The following BRD10 variants were observed in gnomAD, a reference collection of about 807,000 sequenced individuals.
BRD10 encodes the protein bromodomain containing 10.
chr9:5,907,210 A>G, the BRD10 span: 1 of 320,342 alleles, frequency 3.1e-6, no homozygotes, highest in African/African-American at 2.1e-5. Flanking sequence ...AAGTACAGAT[A>G]TTTTCTTAAT....
the BRD10 span, among the ~76,000 whole-genome samples, chr9:5,923,488 G>A: frequency 2.0e-5 from 3 of 152,190 alleles, no homozygotes; most frequent in African/African-American, 7.2e-5. Flanking sequence ...TCTTTGACAT[G>A]ATAATCTAGA....
At chr9:5,988,653 A>C in the BRD10 span, 1 of 752,476 alleles carries the variant, frequency 1.3e-6, no homozygotes, top group East Asian at 2.7e-5. Context: ...AAAAGTATTT[A>C]AACCTTACTT....
chr9:5,963,927 C>T, the BRD10 span, among the ~76,000 whole-genome samples: 9 of 151,430 alleles, frequency 5.9e-5, no homozygotes, highest in East Asian at 7.8e-4. Flanking sequence ...AAGATTTAAA[C>T]GTTAGACCTA....
the BRD10 span, among the ~76,000 whole-genome samples, chr9:5,960,718 A>G: frequency 3.9e-5 from 6 of 152,304 alleles, no homozygotes; most frequent in South Asian, 1.2e-3. Context: ...GATTTTATAA[A>G]AAGTCCCCTA....
the BRD10 span, chr9:5,923,025 A>G: frequency 8.3e-5 from 134 of 1,613,906 alleles, no homozygotes; most frequent in Non-Finnish European, 1.1e-4. Flanking sequence ...ACTGAATCCA[A>G]TGAGGCAAAT....
the BRD10 span, among the ~76,000 whole-genome samples, chr9:5,986,513 T>G: frequency 6.6e-6 from 1 of 152,206 alleles, no homozygotes; most frequent in Non-Finnish European, 1.5e-5. Flanking sequence ...CTGGGTCAAA[T>G]GGTTCTAGAT....
chr9:5,922,988 G>C, the BRD10 span: 1 of 1,613,954 alleles, frequency 6.2e-7, no homozygotes, highest in East Asian at 2.2e-5. Flanking sequence ...AATGGGTTTG[G>C]TCCCTTTCTG....
At chr9:5,978,907 G>A in the BRD10 span, among the ~76,000 whole-genome samples, 6 of 152,208 alleles carry the variant, frequency 3.9e-5, no homozygotes, top group Non-Finnish European at 8.8e-5. Flanking sequence ...CCTTACCTGT[G>A]AGGGGGTTTG....
chr9:5,922,963 T>G, the BRD10 span: 1 of 1,614,046 alleles, frequency 6.2e-7, no homozygotes. Flanking sequence ...CAATATTCTT[T>G]GCAAGCAAAG....
At chr9:6,007,260 G>C in the BRD10 span, 3 of 1,613,940 alleles carry the variant, frequency 1.9e-6, no homozygotes, top group East Asian at 4.5e-5. Flanking sequence ...TGGAGATCCA[G>C]TGGTCCACTC....
At chr9:5,884,192 C>G in the BRD10 span, among the ~76,000 whole-genome samples, 13 of 152,144 alleles carry the variant, frequency 8.5e-5, no homozygotes, top group African/African-American at 3.1e-4. Context: ...TTTTCACACA[C>G]AACAATACAG....
the BRD10 span, among the ~76,000 whole-genome samples, chr9:6,004,689 G>A: frequency 6.6e-6 from 1 of 152,152 alleles, no homozygotes; most frequent in Non-Finnish European, 1.5e-5. Context: ...ACCACTTTGA[G>A]ATATTTACAA....
the BRD10 span, among the ~76,000 whole-genome samples, chr9:5,913,088 T>C: frequency 6.6e-6 from 1 of 152,212 alleles, no homozygotes; most frequent in African/African-American, 2.4e-5. Context: ...TGATTGTTTT[T>C]ATAGTAAAGA....
chr9:5,971,631 G>GATTTGGTATTTATAT, the BRD10 span, among the ~76,000 whole-genome samples: 1 of 152,144 alleles, frequency 6.6e-6, no homozygotes, highest in East Asian at 1.9e-4. Context: ...TGTCATTAGT[G>GATTTGGTATTTATAT]ATTTGGTATT....
At chr9:5,925,600 T>C in the BRD10 span, among the ~76,000 whole-genome samples, 2 of 152,178 alleles carry the variant, frequency 1.3e-5, no homozygotes, top group African/African-American at 2.4e-5. Context: ...CCAGTATCTA[T>C]TTTTGTGACT....
chr9:5,993,281 C>G, the BRD10 span, among the ~76,000 whole-genome samples: 17 of 144,040 alleles, frequency 1.2e-4, no homozygotes, highest in Non-Finnish European at 2.5e-4. Flanking sequence ...CACCACTGTA[C>G]TCCAGCCTGG....
At chr9:5,951,069 CA>C in the BRD10 span, among the ~76,000 whole-genome samples, 35 of 148,068 alleles carry the variant, frequency 2.4e-4, no homozygotes, top group African/African-American at 6.7e-4. Flanking sequence ...CACACACACA[CA>C]CACACACCCC....
the BRD10 span, chr9:5,920,471 C>T: frequency 6.2e-7 from 1 of 1,613,966 alleles, no homozygotes; most frequent in Non-Finnish European, 8.5e-7. Context: ...TGGAGCAGAA[C>T]TGTAACTGGG....
the BRD10 span, chr9:5,919,903 T>G: frequency 1.2e-6 from 2 of 1,613,956 alleles, no homozygotes; most frequent in East Asian, 2.2e-5. Flanking sequence ...AAGTGCTACT[T>G]GGCAGTGGAG....
Sources: allele counts gnomAD v4.1 joint callset (sites outside exome capture counted in the v4.1 genomes callset), GRCh38; gene constraint gnomAD v4.1.1; transcripts MANE v1.5; gene names NCBI Gene and HGNC (gene_info 2026-07-23, HGNC 2026-07-21).